The following PHACTR2 variants were observed in gnomAD, a reference collection of about 807,000 sequenced individuals.
The protein encoded by PHACTR2 is chromosome 6 open reading frame 56.
A neutral mutation model predicts 76.0 loss-of-function variants in PHACTR2; 30 were observed. The observed-to-expected ratio is 0.39, with a 90% CI of 0.30 to 0.54. The LOEUF (loss-of-function observed/expected upper bound fraction) is 0.54. PHACTR2 is among the 20% of genes least tolerant of loss of function. PHACTR2 has a pLI of 0.61. For missense variants in PHACTR2, 696 were observed against 781.1 expected (o/e 0.89, Z 1.30); for synonymous variants, 292 against 292.5 (o/e 1.00, Z 0.02).
intron 1 of PHACTR2, among the ~76,000 whole-genome samples, chr6:143,682,694 C>T (rs1777419695): frequency 6.6e-6 from 1 of 152,006 alleles, no homozygotes; most frequent in Admixed American, 6.5e-5. Context: ...CTGGCTAGAA[C>T]CTTTAGTCCA....
chr6:143,635,622 A>C (rs1245097448), intron 1 of PHACTR2, among the ~76,000 whole-genome samples: 3 of 152,124 alleles, frequency 2.0e-5, no homozygotes, highest in African/African-American at 7.2e-5. Context: ...ATAGGTGAAA[A>C]ATCATTTCTA....
intron 1 of PHACTR2, among the ~76,000 whole-genome samples, chr6:143,632,927 C>T (rs761552419): frequency 6.6e-6 from 1 of 152,276 alleles, no homozygotes; most frequent in South Asian, 2.1e-4. Context: ...TGTCTTTTCA[C>T]GTCTTGATAG....
chr6:143,707,425 G>A (rs1035911980), intron 1 of PHACTR2, among the ~76,000 whole-genome samples: 2 of 152,158 alleles, frequency 1.3e-5, no homozygotes, highest in Admixed American at 1.3e-4. Context: ...CCCGCAGGGC[G>A]GCTCTCAGTT....
rs771036670 is a variant in PHACTR2 at position 143,608,299 on chromosome 6, A to G, written c.-11A>G. ...GCCAGGCTACAGAACTCGCCTCGCC[A>G]CTCCTGAGACATGGACAACGCCGGT... On this transcript the variant is annotated 5_prime_UTR_variant, in exon 1 of 12. Transcript: ENST00000305766. This position sits in a 1 kb window ranked among gnomAD's most constrained non-coding sequence, Gnocchi z 4.6. 1 of 1,614,076 alleles carries G rather than the reference A, an allele frequency of 6.2e-7. No homozygotes were observed. The highest frequency in any genetic ancestry group is 8.5e-7 in the Non-Finnish European group (1 of 1,179,994).
chr6:143,625,039 C>T lies in PHACTR2; in HGVS notation c.13+16717C>T, dbSNP rs1003430850. ...AGCGTGGTGGTGCATGCCTGTAATC[C>T]TAGCTACAGGGGAGGCTGAGGCAGG... is the stretch of plus-strand genomic sequence containing the variant. On this transcript the variant is annotated intron_variant, in intron 1 of 11. Coordinates refer to the PHACTR2 transcript ENST00000305766. The surrounding 1 kb of genome is among the most constrained non-coding windows in gnomAD (Gnocchi z 4.3). Among the ~76,000 whole-genome samples the T allele has an allele frequency of 2.0e-5, 3 of 151,926 alleles. No homozygotes were observed. The highest frequency in any genetic ancestry group is 4.4e-5 in the Non-Finnish European group (3 of 67,976).
Position 143,558,433 on chromosome 6 carries a change from C to T in PHACTR2, c.217+21226C>T, listed in dbSNP as rs1324321414. ...TTACTATGTAAACATGTCCTATTTG[C>T]ATTAGAAATATTAAATTTCTAAATT... On this transcript the variant is annotated intron_variant, in intron 1 of 11. Coordinates refer to the PHACTR2 transcript ENST00000367584. This position sits in a 1 kb window ranked among gnomAD's most constrained non-coding sequence, Gnocchi z 4.7. Among the ~76,000 whole-genome samples the T allele has an allele frequency of 6.6e-6, 1 of 152,102 alleles. No homozygotes were observed. Among genetic ancestry groups the T allele is most frequent in the East Asian group, 1.9e-4 (1 of 5,184 alleles).
intron 6 of PHACTR2, among the ~76,000 whole-genome samples, chr6:143,769,908 T>C (rs1775053873): frequency 6.6e-6 from 1 of 152,296 alleles, no homozygotes; most frequent in East Asian, 1.9e-4. Flanking sequence ...TCTTCTCTTA[T>C]TTAAGATGAG....
rs183226290 is a variant in PHACTR2, at chr6:143,780,200, A to G, written c.1645+2817A>G. On this transcript the variant is annotated intron_variant, in intron 9 of 12. Transcript: ENST00000440869. The surrounding 1 kb of genome is among the most constrained non-coding windows in gnomAD (Gnocchi z 4.4). Reference sequence around the variant, plus strand: ...GAGGAATTTTACAGTAAATCCGCATATATCTACCATCTATAGTCTGTCATT... The same window carrying G: ...GAGGAATTTTACAGTAAATCCGCATGTATCTACCATCTATAGTCTGTCATT... Among the ~76,000 whole-genome samples the G allele has an allele frequency of 4.9e-4, 75 of 152,298 alleles. 1 individual carries two copies. The East Asian group carries it at 8.5e-3, about 17-fold the overall frequency.
Position 143,679,004 on chromosome 6 carries a change from G to A in PHACTR2, c.46+795G>A, listed in dbSNP as rs1036057189. Among the ~76,000 whole-genome samples the A allele has an allele frequency of 6.6e-6, 1 of 151,630 alleles. No individual in the cohort carries two copies. On this transcript the variant is annotated intron_variant, in intron 1 of 12. Transcript: ENST00000440869. The surrounding 1 kb of genome is among the most constrained non-coding windows in gnomAD (Gnocchi z 4.6). ...TTGGATAAGGAAATAAATTTAAAAG[G>A]TACTATTTTGATATTTTTCCATCAA...
chr6:143,553,402 GA>G lies in PHACTR2; in HGVS notation c.217+16199del, dbSNP rs1380724384. Among the ~76,000 whole-genome samples the G allele has an allele frequency of 6.6e-5, 10 of 152,298 alleles. 1 individual carries two copies. The highest frequency in any genetic ancestry group is 1.9e-4 in the East Asian group (1 of 5,184). On this transcript the variant is annotated intron_variant, in intron 1 of 11. Coordinates refer to the PHACTR2 transcript ENST00000367584. The surrounding 1 kb of genome is among the most constrained non-coding windows in gnomAD (Gnocchi z 4.2). ...AGAGGTTCAGTAAATTCACGGAAGT[GA>G]AAATATCATACAAACCAGGAAGAGG...
In PHACTR2 at chr6:143,621,982, G is replaced by A. The variant is rs1271685222; in HGVS notation, c.13+13660G>A. Among the ~76,000 whole-genome samples the A allele has an allele frequency of 6.6e-6, 1 of 151,980 alleles. No homozygotes were observed. Among genetic ancestry groups the A allele is most frequent in the African/African-American group, 2.4e-5 (1 of 41,344 alleles). On this transcript the variant is annotated intron_variant, in intron 1 of 11. Coordinates refer to the PHACTR2 transcript ENST00000305766. This position sits in a 1 kb window ranked among gnomAD's most constrained non-coding sequence, Gnocchi z 4.1. The stretch of plus-strand genomic sequence containing the variant: ...CTGTTTTCTTCTTTTTGTGTGTGTG[G>A]TCTGGGAAACCAAATAATCAAGAGT...
rs1267427539 is a variant in PHACTR2 at position 143,659,016 on chromosome 6, T to C, written c.13+50694T>C. 7.3e-6 allele frequency among the ~76,000 whole-genome samples: 1 copy of C among 137,426 alleles called. No individual in the cohort carries two copies. Among genetic ancestry groups the C allele is most frequent in the African/African-American group, 2.7e-5 (1 of 36,502 alleles). 90.2% of individuals were successfully genotyped at this position (137,426 alleles called of 152,430 possible). ...TCCAGCCTGGGCAACAAAGCAAGAT[T>C]CTGTCTCAAAAAAAAAAAAAAAGAT... On this transcript the variant is annotated intron_variant, in intron 1 of 11. Coordinates refer to the PHACTR2 transcript ENST00000305766. This position sits in a 1 kb window ranked among gnomAD's most constrained non-coding sequence, Gnocchi z 5.0.
intron 2 of PHACTR2, among the ~76,000 whole-genome samples, chr6:143,732,100 C>T (rs945361721): frequency 2.6e-5 from 4 of 152,152 alleles, no homozygotes; most frequent in Non-Finnish European, 4.4e-5. Flanking sequence ...TCAAATCTCT[C>T]CTCTCCCCCA....
chr6:143,756,095 C>A (rs1210688461), intron 4 of PHACTR2, among the ~76,000 whole-genome samples: 1 of 152,132 alleles, frequency 6.6e-6, no homozygotes, highest in African/African-American at 2.4e-5. Flanking sequence ...CAAACCATAT[C>A]ATCTGCCTTT....
intron 1 of PHACTR2, among the ~76,000 whole-genome samples, chr6:143,626,451 G>A (rs1322795702): frequency 2.6e-5 from 4 of 151,054 alleles, no homozygotes; most frequent in Non-Finnish European, 4.4e-5. Context: ...GCAGGAGAAT[G>A]GCGTGAACCC....
In PHACTR2 at chr6:143,791,916, A is replaced by C. The variant is rs752524624; in HGVS notation, c.1845+3006A>C. Among the ~76,000 whole-genome samples, 113 of 152,158 alleles carry C rather than the reference A, an allele frequency of 7.4e-4. 2 individuals are homozygous for C. Among genetic ancestry groups the C allele is most frequent in the Non-Finnish European group, 2.1e-4 (14 of 68,020 alleles). ...CTGTGATGTTTAGCTGATGGCTTCAAATTTTCAGGGTACATTTCATCACTC... is the reference window on the plus strand; with the variant it reads ...CTGTGATGTTTAGCTGATGGCTTCACATTTTCAGGGTACATTTCATCACTC... On this transcript the variant is annotated intron_variant, in intron 11 of 12. Transcript: ENST00000440869. The surrounding 1 kb of genome is among the most constrained non-coding windows in gnomAD (Gnocchi z 4.7).
chr6:143,743,130 C>T lies in PHACTR2; in HGVS notation c.215-5855C>T, dbSNP rs78479122. ...AGGATAGTGAGATCTCCATGCAGAG[C>T]TACTGTGTGAAGAGAACTTAACATT... On this transcript the variant is annotated intron_variant, in intron 2 of 12. Transcript: ENST00000440869. The surrounding 1 kb of genome is among the most constrained non-coding windows in gnomAD (Gnocchi z 5.0). 1.2e-4 allele frequency among the ~76,000 whole-genome samples: 19 copies of T among 152,252 alleles called. No homozygotes were observed. In the East Asian group the frequency reaches 3.7e-3, roughly 29 times the overall value.
At chr6:143,666,420 A>G (rs955826135) in intron 1 of PHACTR2, among the ~76,000 whole-genome samples, 1 of 152,102 alleles carries the variant, frequency 6.6e-6, no homozygotes, top group African/African-American at 2.4e-5. Flanking sequence ...GTCAGTTGGT[A>G]TTTCTGGTTC....
chr6:143,718,389 A>G (rs1778350033), intron 2 of PHACTR2, among the ~76,000 whole-genome samples: 1 of 152,200 alleles, frequency 6.6e-6, no homozygotes, highest in Non-Finnish European at 1.5e-5. Context: ...CCAAGAAAAC[A>G]CACCTGGCAG....
Sources: gnomAD v4.1 joint callset for allele counts (sites outside exome capture counted in the v4.1 genomes callset) on GRCh38, gnomAD v4.1.1 for gene constraint, Gnocchi (gnomAD v3.1) non-coding constraint, MANE v1.5 for transcripts, NCBI Gene and HGNC (gene_info 2026-07-23, HGNC 2026-07-21) for gene names.